SPAG17: variants seen among roughly 807,000 people sequenced by gnomAD.
SPAG17 encodes sperm-associated antigen 17.
In SPAG17, 169 loss-of-function variants were observed where a neutral mutation model predicts 273.6. The observed-to-expected ratio is 0.62, with a 90% CI of 0.55 to 0.70. SPAG17 has a LOEUF of 0.70. Among genes scored for constraint, SPAG17 ranks in the 30% least tolerant of loss-of-function variants. The probability of loss-of-function intolerance (pLI) is 0.00; values close to 1 mark genes in which losing one functional copy is unlikely to be tolerated. For synonymous variants in SPAG17, 825 were observed against 873.2 expected (o/e 0.94, Z 0.97); for missense variants, 2,557 against 2,627.8 (o/e 0.97, Z 0.59).
rs554489036 is a variant in SPAG17 at position 118,002,856 on chromosome 1, G to A, written c.4776+2558C>T. Among the ~76,000 whole-genome samples, 6 of 152,304 alleles carry A rather than the reference G, an allele frequency of 3.9e-5. No homozygotes were observed. The South Asian group carries it at 1.2e-3, about 32-fold the overall frequency. ...GGTTAATATTGTTATGTGTGAATTT[G>A]ATCCTGTCATTATGATGTTAGCTGG... On this transcript the variant is annotated intron_variant, in intron 32 of 48. Coordinates refer to ENST00000336338, the MANE Select transcript of SPAG17 (RefSeq NM_206996.4).
intron 44 of SPAG17, among the ~76,000 whole-genome samples, chr1:117,973,222 T>C (rs376090121): frequency 6.6e-6 from 1 of 152,172 alleles, no homozygotes; most frequent in Admixed American, 6.5e-5. Context: ...TGAGTTTACA[T>C]GTGTGAGATG....
chr1:117,996,839 TTTACTCACAAAATTGGAGATG>T, intron 32 of SPAG17, 96 bp from the exon 33 acceptor site: 1 of 1,292,954 alleles, frequency 7.7e-7, no homozygotes. Context: ...ATTTGGTGGG[TTTACTCACAAAATTGGAGATG>T]TTTATTTGCA....
chr1:118,000,737 T>G (rs1440653189), intron 32 of SPAG17, among the ~76,000 whole-genome samples: 2 of 152,222 alleles, frequency 1.3e-5, no homozygotes, highest in Admixed American at 6.5e-5. Context: ...ATGATGGGGT[T>G]TTCTAAATAT....
chr1:118,180,869 G>T (rs1319555592), intron 1 of SPAG17, among the ~76,000 whole-genome samples: 1 of 151,946 alleles, frequency 6.6e-6, no homozygotes, highest in Non-Finnish European at 1.5e-5. Context: ...ATTTTTAACA[G>T]TATTATTGTA....
At chr1:118,031,663 T>C (rs1344730894) in intron 25 of SPAG17, 29 bp downstream of exon 25, 1 of 1,607,586 alleles carries the variant, frequency 6.2e-7, no homozygotes, top group Admixed American at 1.7e-5. Flanking sequence ...AGAAACAGAG[T>C]TTGGGAATCT....
In SPAG17 at chr1:118,023,336, G is replaced by A. The variant is rs150715639; in HGVS notation, c.4037C>T (p.Thr1346Met). ...MDSISQQKSE[T>M]IPSEITNTKK... ...TGTGTTGGTAATCTCAGATGGTATC[G>A]TTTCTGATTTCTGCTGAGAAATAGA... The change falls in exon 28 of 49, where the codon ACG becomes ATG. Residue 1346 changes from threonine to methionine, a missense_variant. Physicochemically the swap from Thr to Met is moderately conservative, Grantham distance 81. Transcript: ENST00000336338. 2.3e-5 allele frequency: 37 copies of A among 1,611,336 alleles called. No individual in the cohort carries two copies. The highest frequency in any genetic ancestry group is 5.5e-5 in the South Asian group (5 of 90,740).
intron 3 of SPAG17, among the ~76,000 whole-genome samples, chr1:118,116,703 T>G (rs1274439186): frequency 6.6e-6 from 1 of 152,220 alleles, no homozygotes; most frequent in Non-Finnish European, 1.5e-5. Flanking sequence ...GAGATCACAT[T>G]GGGGTTCCCG....
chr1:118,067,621 C>T (rs1011130214), intron 17 of SPAG17, among the ~76,000 whole-genome samples: 3 of 152,150 alleles, frequency 2.0e-5, no homozygotes, highest in Admixed American at 6.5e-5. Flanking sequence ...CTGTTGTTTA[C>T]GCTACTCAGG....
chr1:118,016,217 A>G (rs1253068822), intron 28 of SPAG17, 35 bp from the exon 29 acceptor site: 2 of 1,508,866 alleles, frequency 1.3e-6, no homozygotes, highest in Non-Finnish European at 1.8e-6. Flanking sequence ...CAACAACAAT[A>G]TAACTATAGT....
At chr1:118,085,244 T>A (rs1654897933) in intron 13 of SPAG17, among the ~76,000 whole-genome samples, 1 of 152,150 alleles carries the variant, frequency 6.6e-6, no homozygotes, top group Non-Finnish European at 1.5e-5. Flanking sequence ...AAGGACAGAA[T>A]GGAAAGAGAC....
chr1:118,015,496 C>G (rs1216776830), intron 29 of SPAG17, among the ~76,000 whole-genome samples: 1 of 152,046 alleles, frequency 6.6e-6, no homozygotes, highest in Non-Finnish European at 1.5e-5. Flanking sequence ...TTTTCCAAAT[C>G]AAAGGATCAT....
At chr1:118,079,911 T>C (rs1654400223) in intron 15 of SPAG17, among the ~76,000 whole-genome samples, 1 of 152,176 alleles carries the variant, frequency 6.6e-6, no homozygotes, top group Non-Finnish European at 1.5e-5. Context: ...TGTTGTTTAA[T>C]GTTTGACCTA....
At chr1:118,127,165 G>A (rs1657782209) in intron 3 of SPAG17, among the ~76,000 whole-genome samples, 1 of 152,056 alleles carries the variant, frequency 6.6e-6, no homozygotes, top group Non-Finnish European at 1.5e-5. Flanking sequence ...TAGAGAATTT[G>A]GGGTCTTTTG....
intron 42 of SPAG17, among the ~76,000 whole-genome samples, chr1:117,983,033 A>G (rs1656008709): frequency 6.6e-6 from 1 of 152,196 alleles, no homozygotes; most frequent in South Asian, 2.1e-4. Flanking sequence ...GCTTATAAAG[A>G]CATATCCAAG....
rs547797998 is a variant in SPAG17, at chr1:118,074,459, T to C, written c.2271+80A>G. 700 of 1,201,782 alleles carry C rather than the reference T, an allele frequency of 5.8e-4. 2 individuals carry two copies. The highest frequency in any genetic ancestry group is 2.6e-3 in the Middle Eastern group (14 of 5,292). 74.4% of individuals were successfully genotyped at this position (1,201,782 alleles called of 1,614,324 possible). ...TCCTTCTAAGTATCTTCTTTTTTCT[T>C]TTTCAGTGTTTCTTACTCCAAGTCA... On this transcript the variant is annotated intron_variant, in intron 16 of 48. Coordinates refer to ENST00000336338, the MANE Select transcript of SPAG17 (RefSeq NM_206996.4).
chr1:117,957,155 T>TA (rs756270919), intron 48 of SPAG17: 1 of 1,612,800 alleles, frequency 6.2e-7, no homozygotes, highest in African/African-American at 1.3e-5. Context: ...AGCTGGGCTC[T>TA]GATGTTGAAC....
intron 48 of SPAG17, among the ~76,000 whole-genome samples, chr1:117,957,500 A>G (rs1254754358): frequency 2.6e-5 from 4 of 152,214 alleles, no homozygotes. Context: ...TCCATGTTAC[A>G]ATCTTAAGAT....
At chr1:118,158,233 T>C (rs887876272) in intron 1 of SPAG17, among the ~76,000 whole-genome samples, 4 of 152,230 alleles carry the variant, frequency 2.6e-5, no homozygotes, top group African/African-American at 9.6e-5. Flanking sequence ...TCAAGTCATT[T>C]TGTGCCCTGT....
At position 118,081,511 on chromosome 1, in the gene SPAG17, A is replaced by G. The variant is rs914280358; in HGVS notation, c.1894T>C (p.Phe632Leu). The change falls in exon 14 of 49, where the codon TTC (phenylalanine) becomes CTC (leucine). Residue 632 changes from phenylalanine (F) to leucine (L), a missense_variant. Transcript: ENST00000336338. The part of the protein sequence containing the change: ...GMMCGSDSEM[F>L]NIPWDNPARF... ...GCAGGGTTGTCCCACGGTATGTTGA[A>G]CATTTCAGAATCTGACCCACACATC... 6.2e-7 allele frequency: 1 copy of G among 1,613,938 alleles called. No individual in the cohort carries two copies. The highest frequency in any genetic ancestry group is 1.7e-5 in the Admixed American group (1 of 60,004).
Sources: allele counts gnomAD v4.1 joint callset (sites outside exome capture counted in the v4.1 genomes callset), GRCh38; gene constraint gnomAD v4.1.1; transcripts MANE v1.5; gene names NCBI Gene and HGNC (gene_info 2026-07-23, HGNC 2026-07-21).